Variants in BMPR1B observed in about 807,000 individuals in gnomAD.
BMPR1B encodes the protein bone morphogenetic protein receptor type-1B.
Under a neutral mutation model 59.1 loss-of-function variants are expected in BMPR1B, and 12 were observed. The ratio of observed to expected loss-of-function variants is 0.20; its 90% CI spans 0.13 to 0.33. The LOEUF (loss-of-function observed/expected upper bound fraction) is 0.33, where lower values mean the gene tolerates loss of function less well. Among genes scored for constraint, BMPR1B ranks in the 10% least tolerant of loss-of-function variants. The pLI, the probability that BMPR1B is intolerant of heterozygous loss-of-function variation, is 1.00. For missense variants in BMPR1B, 550 were observed against 610.9 expected (o/e 0.90, Z 1.05); for synonymous variants, 237 against 207.3 (o/e 1.14, Z -1.23).
intron 2 of BMPR1B, among the ~76,000 whole-genome samples, chr4:94,919,275 A>G (rs949432884): frequency 5.3e-5 from 8 of 152,276 alleles, no homozygotes; most frequent in Admixed American, 3.3e-4. Flanking sequence ...TTCCCTTGTC[A>G]TATAGGATAT....
At chr4:94,761,419 G>GTGTGTT (rs1282541379) in intron 1 of BMPR1B, among the ~76,000 whole-genome samples, 4 of 28,392 alleles carry the variant, frequency 1.4e-4, no homozygotes, top group Non-Finnish European at 2.5e-4. Flanking sequence ...ATAATTCTGT[G>GTGTGTT]TGTGTGTGTG....
chr4:94,789,821 C>G (rs556870565), intron 1 of BMPR1B, among the ~76,000 whole-genome samples: 1 of 152,088 alleles, frequency 6.6e-6, no homozygotes, highest in African/African-American at 2.4e-5. Context: ...ATACATTTGA[C>G]CCTGGAACAA....
At chr4:95,065,989 A>G (rs951080816) in intron 3 of BMPR1B, among the ~76,000 whole-genome samples, 2 of 152,210 alleles carry the variant, frequency 1.3e-5, no homozygotes, top group Non-Finnish European at 2.9e-5. Flanking sequence ...AACTTAGCGC[A>G]GTAGCCCACC....
chr4:94,810,980 G>A (rs950120943), intron 1 of BMPR1B, among the ~76,000 whole-genome samples: 62 of 152,240 alleles, frequency 4.1e-4, no homozygotes, highest in Admixed American at 5.2e-4. Context: ...AAGTTACGAC[G>A]TTTATTTGAT....
Position 95,157,636 on chromosome 4 carries a change from G to A in BMPR1B, c.*2963G>A, listed in dbSNP as rs1212364427. The A allele has an allele frequency of 3.3e-5, 5 of 151,122 alleles. No homozygotes were observed. In the South Asian group the frequency reaches 6.2e-4, roughly 19 times the overall value. The allele number at this position is 151,122 out of a possible 1,614,324, so 9.4% of individuals were successfully genotyped here. On this transcript the variant is annotated 3_prime_UTR_variant, in exon 13 of 13. Coordinates refer to ENST00000515059, the MANE Select transcript of BMPR1B (RefSeq NM_001203.3). ...TGTGTGTATATATATAAATATATAT[G>A]TATATATAAATATTATGTTCAGTTT...
chr4:94,829,472 C>T (rs1342367669), intron 1 of BMPR1B, among the ~76,000 whole-genome samples: 2 of 152,000 alleles, frequency 1.3e-5, no homozygotes, highest in South Asian at 2.1e-4. Context: ...GCTACATTGC[C>T]CTGACTGGTC....
At chr4:94,910,334 T>C (rs1013071080) in intron 2 of BMPR1B, among the ~76,000 whole-genome samples, 2 of 152,126 alleles carry the variant, frequency 1.3e-5, no homozygotes, top group African/African-American at 4.8e-5. Flanking sequence ...GCAATATTTT[T>C]TCCTCTCAGA....
At chr4:94,802,569 G>A (rs1009661865) in intron 1 of BMPR1B, among the ~76,000 whole-genome samples, 1 of 152,152 alleles carries the variant, frequency 6.6e-6, no homozygotes. Context: ...ATTGCATGGA[G>A]GACATAAGCA....
intron 3 of BMPR1B, among the ~76,000 whole-genome samples, chr4:95,051,460 A>G (rs1172960892): frequency 3.9e-5 from 6 of 152,138 alleles, no homozygotes; most frequent in South Asian, 2.1e-4. Flanking sequence ...TAAGAAAACA[A>G]TCCGGCTCAG....
intron 3 of BMPR1B, among the ~76,000 whole-genome samples, chr4:95,000,639 A>G (rs975629865): frequency 5.3e-5 from 8 of 152,134 alleles, no homozygotes; most frequent in African/African-American, 1.9e-4. Flanking sequence ...TATGATTGGG[A>G]TGGTGGAAGT....
intron 3 of BMPR1B, among the ~76,000 whole-genome samples, chr4:95,048,409 A>T (rs897196263): frequency 6.6e-6 from 1 of 152,206 alleles, no homozygotes; most frequent in Non-Finnish European, 1.5e-5. Flanking sequence ...ACTAATTTAT[A>T]TTCCCACAAG....
intron 3 of BMPR1B, among the ~76,000 whole-genome samples, chr4:95,050,543 G>A (rs1726423978): frequency 6.6e-6 from 1 of 152,178 alleles, no homozygotes. Context: ...ATAGTGCTGG[G>A]AGGTGCAGGA....
chr4:95,059,488 T>C (rs1727185224), intron 3 of BMPR1B, among the ~76,000 whole-genome samples: 1 of 152,196 alleles, frequency 6.6e-6, no homozygotes, highest in African/African-American at 2.4e-5. Flanking sequence ...TATAGGCACA[T>C]GACATTCTTT....
chr4:95,103,482 A>G (rs1730970724), intron 3 of BMPR1B: 2 of 985,398 alleles, frequency 2.0e-6, no homozygotes, highest in South Asian at 4.7e-5. Context: ...CATGGCATGT[A>G]TAAGAGCTCT....
intron 5 of BMPR1B, 123 bp from the exon 6 acceptor site, chr4:95,115,562 T>G: frequency 1.2e-6 from 1 of 824,894 alleles, no homozygotes; most frequent in Non-Finnish European, 2.0e-6. Flanking sequence ...ATTTAAGGTG[T>G]TTGAGTGAAA....
chr4:95,096,707 A>G (rs1325312549), intron 3 of BMPR1B, among the ~76,000 whole-genome samples: 2 of 116,996 alleles, frequency 1.7e-5, no homozygotes, highest in Non-Finnish European at 3.7e-5. Context: ...CTATATAATT[A>G]TATAGAGGCA....
chr4:94,956,337 A>G (rs942994736), intron 2 of BMPR1B, among the ~76,000 whole-genome samples: 3 of 152,030 alleles, frequency 2.0e-5, no homozygotes, highest in Non-Finnish European at 2.9e-5. Flanking sequence ...CCCAAAGCAC[A>G]TGTTTCTTTT....
chr4:94,941,062 A>G (rs985851389), intron 2 of BMPR1B, among the ~76,000 whole-genome samples: 3 of 152,150 alleles, frequency 2.0e-5, no homozygotes, highest in Non-Finnish European at 4.4e-5. Context: ...AAATTCAACT[A>G]GTTTCTTTCT....
chr4:94,873,339 A>G (rs549880825), intron 1 of BMPR1B, among the ~76,000 whole-genome samples: 13 of 151,250 alleles, frequency 8.6e-5, no homozygotes, highest in African/African-American at 2.4e-4. Flanking sequence ...TGCAGATCGA[A>G]TCTTGTACCC....
Sources: gnomAD v4.1 joint callset for allele counts (sites outside exome capture counted in the v4.1 genomes callset) on GRCh38, gnomAD v4.1.1 for gene constraint, MANE v1.5 for transcripts, NCBI Gene and HGNC (gene_info 2026-07-23, HGNC 2026-07-21) for gene names.